Variants in TYR observed in about 807,000 individuals in gnomAD.
The protein encoded by TYR is tyrosinase.
Under a neutral mutation model 51.5 loss-of-function variants are expected in TYR, and 58 were observed. The ratio of observed to expected loss-of-function variants is 1.13; its 90% CI spans 0.91 to 1.40. The LOEUF (loss-of-function observed/expected upper bound fraction) is 1.40, where lower values mean the gene tolerates loss of function less well. Ranked by LOEUF, TYR falls within the 40% of genes most tolerant of loss-of-function variation. TYR has a pLI of 0.00. For synonymous variants in TYR, 263 were observed against 235.2 expected (o/e 1.12, Z -1.08); for missense variants, 732 against 647.4 (o/e 1.13, Z -1.42).
At chr11:89,248,725 T>C (rs550939300) in intron 3 of TYR, among the ~76,000 whole-genome samples, 5 of 152,300 alleles carry the variant, frequency 3.3e-5, no homozygotes, top group African/African-American at 1.2e-4. Flanking sequence ...GTCTTGGCTA[T>C]TGTGACAAAT....
intron 2 of TYR, among the ~76,000 whole-genome samples, chr11:89,222,223 G>C (rs1360252307): frequency 6.6e-6 from 1 of 152,122 alleles, no homozygotes; most frequent in Non-Finnish European, 1.5e-5. Flanking sequence ...TTAGAGAATG[G>C]AGATCAGTCC....
At chr11:89,278,053 C>T (rs371381972) in intron 3 of TYR, among the ~76,000 whole-genome samples, 2 of 151,812 alleles carry the variant, frequency 1.3e-5, no homozygotes. Context: ...GCTATTTGCT[C>T]CTTGATCCCT....
chr11:89,177,979 T>A lies in TYR; in HGVS notation c.26T>A (p.Leu9Gln). ...ATGCTCCTGGCTGTTTTGTACTGCC[T>A]GCTGTGGAGTTTCCAGACCTCCGCT... Reference protein sequence around the residue: MLLAVLYCLLWSFQTSAGH... With the variant: MLLAVLYCQLWSFQTSAGH... The change falls in exon 1 of 5, where the codon CTG becomes CAG. Residue 9 changes from leucine (L) to glutamine (Q), a missense_variant. Coordinates refer to ENST00000263321, the MANE Select transcript of TYR (RefSeq NM_000372.5). 3.7e-6 allele frequency: 6 copies of A among 1,614,200 alleles called. No individual in the cohort carries two copies. Among genetic ancestry groups the A allele is most frequent in the Non-Finnish European group, 4.2e-6 (5 of 1,180,030 alleles).
chr11:89,205,123 A>C (rs7941110), intron 2 of TYR, among the ~76,000 whole-genome samples: 5,197 of 152,220 alleles, frequency 0.034, 141 homozygotes, highest in African/African-American at 0.074. Context: ...ACCAAAGTAA[A>C]AGTCTCAATA....
intron 3 of TYR, among the ~76,000 whole-genome samples, chr11:89,276,217 A>T (rs1444354186): frequency 6.6e-6 from 1 of 151,870 alleles, no homozygotes; most frequent in Non-Finnish European, 1.5e-5. Context: ...CAGTGAAAGA[A>T]AAAAGAGTGA....
intron 2 of TYR, among the ~76,000 whole-genome samples, chr11:89,211,763 C>T (rs1301644652): frequency 6.6e-6 from 1 of 152,180 alleles, no homozygotes. Flanking sequence ...GACCACAGTG[C>T]AATCAAGTTA....
intron 1 of TYR, among the ~76,000 whole-genome samples, chr11:89,190,973 C>CTA (rs1943435509): frequency 1.3e-5 from 2 of 152,080 alleles, no homozygotes; most frequent in African/African-American, 4.8e-5. Flanking sequence ...GTTTAGTAGG[C>CTA]TATACCATTC....
chr11:89,201,830 AT>A (rs1281186831), intron 2 of TYR, among the ~76,000 whole-genome samples: 2 of 152,182 alleles, frequency 1.3e-5, no homozygotes, highest in East Asian at 3.8e-4. Context: ...AAATATTGGG[AT>A]TGTAGAATAA....
At chr11:89,249,697 A>T (rs1944309281) in intron 3 of TYR, among the ~76,000 whole-genome samples, 1 of 152,074 alleles carries the variant, frequency 6.6e-6, no homozygotes, top group African/African-American at 2.4e-5. Flanking sequence ...TTAAGTGGGA[A>T]GCAGGAAAGA....
chr11:89,220,006 C>G (rs552425304), intron 2 of TYR, among the ~76,000 whole-genome samples: 1 of 152,244 alleles, frequency 6.6e-6, no homozygotes, highest in East Asian at 1.9e-4. Flanking sequence ...TTTATATCAA[C>G]TGAAAGAATG....
intron 3 of TYR, among the ~76,000 whole-genome samples, chr11:89,248,953 G>C (rs569945596): frequency 4.0e-4 from 61 of 152,216 alleles, no homozygotes; most frequent in African/African-American, 1.3e-3. Flanking sequence ...AAAGAAAAAA[G>C]AGTAATCAAA....
chr11:89,199,540 A>G (rs1414943014), intron 2 of TYR, among the ~76,000 whole-genome samples: 1 of 152,178 alleles, frequency 6.6e-6, no homozygotes, highest in Admixed American at 6.6e-5. Context: ...CAATGAAAAC[A>G]CTGATATTGA....
rs1018583153 is a variant in TYR at position 89,187,964 on chromosome 11, T to C, written c.820-3238T>C. Among the ~76,000 whole-genome samples the C allele has an allele frequency of 2.6e-5, 4 of 151,690 alleles. No individual in the cohort carries two copies. The East Asian group carries it at 5.9e-4, about 22-fold the overall frequency. ...TACAAAAATATTAGCACTTTAAGTA[T>C]TGAGTATTTTATGTAACTTATCTTC... On this transcript the variant is annotated intron_variant, in intron 1 of 4. Transcript: ENST00000263321.
At chr11:89,241,401 A>T (rs180786774) in intron 3 of TYR, among the ~76,000 whole-genome samples, 4 of 152,220 alleles carry the variant, frequency 2.6e-5, no homozygotes, top group Admixed American at 2.6e-4. Context: ...TTCTGCATTG[A>T]TCATATCTAG....
At chr11:89,203,777 G>GA (rs1442612755) in intron 2 of TYR, among the ~76,000 whole-genome samples, 1 of 151,758 alleles carries the variant, frequency 6.6e-6, no homozygotes, top group African/African-American at 2.4e-5. Context: ...AAAACAGAAA[G>GA]AAAAAAACAC....
At chr11:89,285,185 T>C (rs981948475) in intron 4 of TYR, among the ~76,000 whole-genome samples, 2 of 151,568 alleles carry the variant, frequency 1.3e-5, no homozygotes, top group Non-Finnish European at 2.9e-5. Flanking sequence ...ATGGCAACCA[T>C]GTGAAGAGCA....
chr11:89,259,168 C>A (rs1255362283), intron 3 of TYR, among the ~76,000 whole-genome samples: 6 of 151,984 alleles, frequency 3.9e-5, no homozygotes, highest in Admixed American at 6.6e-5. Flanking sequence ...GTAACATTTA[C>A]GTAACCACAG....
intron 3 of TYR, among the ~76,000 whole-genome samples, chr11:89,239,975 T>C (rs952702633): frequency 6.6e-6 from 1 of 152,196 alleles, no homozygotes; most frequent in Non-Finnish European, 1.5e-5. Flanking sequence ...ATCCTTATGA[T>C]AAACCATGTG....
At chr11:89,179,858 T>G (rs1370115632) in intron 1 of TYR, among the ~76,000 whole-genome samples, 3 of 152,216 alleles carry the variant, frequency 2.0e-5, no homozygotes, top group Admixed American at 6.5e-5. Flanking sequence ...AAACCATATG[T>G]TAAAGGAATG....
Sources: allele counts gnomAD v4.1 joint callset (sites outside exome capture counted in the v4.1 genomes callset), GRCh38; gene constraint gnomAD v4.1.1; transcripts MANE v1.5; gene names NCBI Gene and HGNC (gene_info 2026-07-23, HGNC 2026-07-21).